Variants in OLA1 observed in about 807,000 individuals in gnomAD.
The protein encoded by OLA1 is obg-like ATPase 1.
In OLA1, 14 loss-of-function variants were observed where a neutral mutation model predicts 48.4. The ratio of observed to expected loss-of-function variants is 0.29; its 90% CI spans 0.19 to 0.45. The LOEUF (loss-of-function observed/expected upper bound fraction) is 0.45, where lower values mean the gene tolerates loss of function less well. Ranked by LOEUF, OLA1 falls within the 20% of genes least tolerant of loss-of-function variation. OLA1 has a pLI of 1.00. For missense variants in OLA1, 325 were observed against 467.1 expected, an observed-to-expected ratio of 0.70 and a Z score of 2.80; for synonymous variants, 127 against 150.4, an observed-to-expected ratio of 0.84 and a Z score of 1.14.
intron 4 of OLA1, among the ~76,000 whole-genome samples, chr2:174,209,322 T>C (rs1302303275): frequency 6.6e-6 from 1 of 152,164 alleles, no homozygotes; most frequent in Non-Finnish European, 1.5e-5. Flanking sequence ...ACCCAAACTA[T>C]CTCTAGAGCT....
chr2:174,125,915 C>A (rs569100083), intron 5 of OLA1, among the ~76,000 whole-genome samples: 1 of 152,210 alleles, frequency 6.6e-6, no homozygotes, highest in South Asian at 2.1e-4. Context: ...AGTTTTTGGA[C>A]AGTTGAAATA....
At chr2:174,238,761 T>G (rs1688925080) in intron 2 of OLA1, among the ~76,000 whole-genome samples, 1 of 152,132 alleles carries the variant, frequency 6.6e-6, no homozygotes, top group Non-Finnish European at 1.5e-5. Context: ...TAAAAATTTA[T>G]GTATCCTAAG....
chr2:174,131,628 G>A (rs1031915935), intron 5 of OLA1, among the ~76,000 whole-genome samples: 1 of 152,052 alleles, frequency 6.6e-6, no homozygotes, highest in East Asian at 1.9e-4. Context: ...ACTTGGTATT[G>A]TCAGTCTTAT....
chr2:174,237,697 T>A (rs1022142871), intron 2 of OLA1, among the ~76,000 whole-genome samples: 11 of 152,152 alleles, frequency 7.2e-5, no homozygotes, highest in African/African-American at 2.7e-4. Flanking sequence ...TAGGCTGCAG[T>A]AAGCTATGAT....
At chr2:174,112,705 C>T (rs776464888) in intron 7 of OLA1, among the ~76,000 whole-genome samples, 2 of 152,154 alleles carry the variant, frequency 1.3e-5, no homozygotes, top group Non-Finnish European at 2.9e-5. Flanking sequence ...TGCTCTCTGT[C>T]TCCCACTTGT....
chr2:174,148,272 C>A (rs548221562), intron 4 of OLA1, among the ~76,000 whole-genome samples: 23 of 152,190 alleles, frequency 1.5e-4, no homozygotes, highest in Admixed American at 1.4e-3. Context: ...CCTGTGGTCC[C>A]AGCTACTTGG....
At chr2:174,179,546 C>T (rs1687486692) in intron 4 of OLA1, among the ~76,000 whole-genome samples, 1 of 151,818 alleles carries the variant, frequency 6.6e-6, no homozygotes, top group Non-Finnish European at 1.5e-5. Flanking sequence ...ATCTGAAAAA[C>T]AGAAAAAGAC....
chr2:174,084,025 T>C (rs1450248396), intron 7 of OLA1, among the ~76,000 whole-genome samples: 1 of 152,220 alleles, frequency 6.6e-6, no homozygotes, highest in African/African-American at 2.4e-5. Context: ...TCCTCAGGTG[T>C]TCTATTGTAC....
At chr2:174,091,152 C>T (rs1036656263) in intron 7 of OLA1, among the ~76,000 whole-genome samples, 1 of 152,108 alleles carries the variant, frequency 6.6e-6, no homozygotes, top group African/African-American at 2.4e-5. Flanking sequence ...CAGCTAATAC[C>T]TAGCTGAGTG....
intron 5 of OLA1, among the ~76,000 whole-genome samples, chr2:174,134,769 T>C (rs540319969): frequency 2.0e-5 from 3 of 152,212 alleles, no homozygotes; most frequent in Non-Finnish European, 4.4e-5. Context: ...AAATGGTTAA[T>C]GGTATATTTT....
intron 7 of OLA1, among the ~76,000 whole-genome samples, chr2:174,087,475 A>G (rs888641879): frequency 7.7e-6 from 1 of 129,330 alleles, no homozygotes; most frequent in African/African-American, 2.6e-5. Flanking sequence ...ACTTCATACT[A>G]CAGTTAAATG....
chr2:174,168,153 C>G (rs966732948), intron 4 of OLA1, among the ~76,000 whole-genome samples: 1 of 152,086 alleles, frequency 6.6e-6, no homozygotes. Context: ...GTCTTTCTGT[C>G]CTAGAGAAGC....
At chr2:174,169,034 C>G (rs1352360795) in intron 4 of OLA1, among the ~76,000 whole-genome samples, 1 of 152,056 alleles carries the variant, frequency 6.6e-6, no homozygotes, top group Non-Finnish European at 1.5e-5. Context: ...TCTCAGCTCA[C>G]TGCAACCTCA....
chr2:174,136,315 C>T (rs78880283), intron 5 of OLA1, among the ~76,000 whole-genome samples: 20,192 of 152,246 alleles, frequency 0.13, 1,790 homozygotes, highest in Non-Finnish European at 0.2. Context: ...CCTCTCAAAC[C>T]CCGCCACTGC....
intron 3 of OLA1, among the ~76,000 whole-genome samples, chr2:174,225,288 C>A (rs769175818): frequency 6.6e-6 from 1 of 152,150 alleles, no homozygotes; most frequent in Non-Finnish European, 1.5e-5. Flanking sequence ...CAGTGGCTCA[C>A]GCCTGTAATC....
At chr2:174,080,914 C>G in intron 9 of OLA1, 1 of 430,060 alleles carries the variant, frequency 2.3e-6, no homozygotes, top group South Asian at 2.6e-5. Context: ...TAGACAGATT[C>G]TACAGGATGA....
chr2:174,080,892 A>T (rs939087931), intron 9 of OLA1: 2 of 368,416 alleles, frequency 5.4e-6, no homozygotes, highest in African/African-American at 4.3e-5. Flanking sequence ...ATCTCTGACC[A>T]CAGGAGGAGG....
At chr2:174,121,421 T>C (rs1258656291) in intron 7 of OLA1, among the ~76,000 whole-genome samples, 3 of 152,130 alleles carry the variant, frequency 2.0e-5, no homozygotes, top group African/African-American at 7.2e-5. Context: ...AAAATGGCTA[T>C]GTGGTAAATT....
chr2:174,128,746 A>AAAAT lies in OLA1; in HGVS notation c.550-5072_550-5071insATTT, dbSNP rs1686105293. 5.3e-5 allele frequency among the ~76,000 whole-genome samples: 8 copies of AAAAT among 151,876 alleles called. No homozygotes were observed. In the South Asian group the frequency reaches 1.5e-3, roughly 28 times the overall value. ...GAGCAAAACTTGTCTCAAAAAAAAA[A>AAAAT]AAAATAAAATAAAATAAACAAAGAA... On this transcript the variant is annotated intron_variant, in intron 5 of 10. Coordinates refer to ENST00000284719, the MANE Select transcript of OLA1 (RefSeq NM_013341.5).
Sources: allele counts gnomAD v4.1 joint callset (sites outside exome capture counted in the v4.1 genomes callset), GRCh38; gene constraint gnomAD v4.1.1; transcripts MANE v1.5; gene names NCBI Gene and HGNC (gene_info 2026-07-23, HGNC 2026-07-21).